The following TMEM100 variants were observed in gnomAD, a reference collection of about 807,000 sequenced individuals.
TMEM100 encodes transmembrane protein 100.
For missense variants in TMEM100, 137 were observed against 168.2 expected (o/e 0.81, Z 1.02); for synonymous variants, 61 against 67.1 (o/e 0.91, Z 0.44).
upstream of TMEM100, among the ~76,000 whole-genome samples, chr17:55,724,180 G>A (rs1459688528): frequency 6.6e-6 from 1 of 152,134 alleles, no homozygotes; most frequent in Non-Finnish European, 1.5e-5. Context: ...AAAGGGCTTG[G>A]ATGTTCTCAA....
At chr17:55,722,932 T>G (rs1052401606), upstream of TMEM100, 1 of 152,244 alleles carries the variant, frequency 6.6e-6, no homozygotes, top group African/African-American at 2.4e-5. Context: ...TAACATTTTT[T>G]TTTTTCCTTC....
At position 55,720,727 on chromosome 17, in the gene TMEM100, T is replaced by G; in HGVS notation, c.344A>C (p.Lys115Thr). Residue 115 changes from lysine to threonine, a missense_variant, in exon 2 of 2, where the codon AAA becomes ACA. Coordinates refer to ENST00000424486, the MANE Select transcript of TMEM100 (RefSeq NM_018286.3). ...LCWKVRQRSK[K>T]AKRRESQTAL... ...TGTTTGACTCTCCCGTCTCTTGGCT[T>G]TCTTGCTCCTTTGTCTCACTTTCCA... 1 of 1,614,168 alleles carries G rather than the reference T, an allele frequency of 6.2e-7. No individual in the cohort carries two copies. The highest frequency in any genetic ancestry group is 8.5e-7 in the Non-Finnish European group (1 of 1,180,018).
In TMEM100 at chr17:55,722,749, T is replaced by C. The variant is rs1908940644; in HGVS notation, c.-196A>G. ...GCAAGGCTGTCAATAAAACAATAGG[T>C]TAGGGATCTCTTCTGGGGAAAGGAA... is the stretch of plus-strand genomic sequence containing the variant. On this transcript the variant is annotated 5_prime_UTR_variant, in exon 1 of 2. Coordinates refer to ENST00000424486, the MANE Select transcript of TMEM100 (RefSeq NM_018286.3). 1.3e-5 allele frequency: 2 copies of C among 152,096 alleles called. No individual in the cohort carries two copies. The highest frequency in any genetic ancestry group is 4.8e-5 in the African/African-American group (2 of 41,412). The allele number at this position is 152,096 out of a possible 1,614,324, so 9.4% of individuals were successfully genotyped here.
At position 55,720,875 on chromosome 17, in the gene TMEM100, T is replaced by C; in HGVS notation, c.196A>G (p.Ile66Val). 6.2e-7 allele frequency: 1 copy of C among 1,614,182 alleles called. No homozygotes were observed. Among genetic ancestry groups the C allele is most frequent in the African/African-American group, 1.3e-5 (1 of 75,038 alleles). The change falls in exon 2 of 2, where the codon ATC (isoleucine) becomes GTC (valine). Residue 66 changes from isoleucine (I) to valine (V), a missense_variant. By Grantham distance (29) the Ile-to-Val change is conservative (BLOSUM62 3). Transcript: ENST00000424486. ...ACCGCGGTGACCACGATGCCGGCGA[T>C]GAAGACAACCACAGCAAAGGGGATG... is the stretch of plus-strand genomic sequence containing the variant. ...CIIPFAVVVFIAGIVVTAVAY... is the reference protein window; with the variant it reads ...CIIPFAVVVFVAGIVVTAVAY...
In TMEM100 at chr17:55,720,931, C is replaced by T; in HGVS notation, c.140G>A (p.Gly47Glu). The T allele has an allele frequency of 6.2e-7, 1 of 1,614,214 alleles. No homozygotes were observed. Among genetic ancestry groups the T allele is most frequent in the Non-Finnish European group, 8.5e-7 (1 of 1,180,040 alleles). Reference sequence around the variant, plus strand: ...GCGGTAGCAGGAGAGCTCGGTACCCCCTGTAGCAGCCATCAACTGAATCTC... The same window carrying T: ...GCGGTAGCAGGAGAGCTCGGTACCCTCTGTAGCAGCCATCAACTGAATCTC... Reference protein sequence around the residue: ...VSEIQLMAATGGTELSCYRCI... With the variant: ...VSEIQLMAATEGTELSCYRCI... Residue 47 changes from glycine to glutamate, a missense_variant, in exon 2 of 2, where the codon GGG becomes GAG. By Grantham distance (98) the Gly-to-Glu change is moderately conservative (BLOSUM62 -2). Transcript: ENST00000424486.
intron 1 of TMEM100, 200 bp from the exon 2 acceptor site, chr17:55,721,335 CAG>C: frequency 2.5e-6 from 1 of 405,042 alleles, no homozygotes; most frequent in Non-Finnish European, 4.4e-6. Flanking sequence ...GAAGGGAAGA[CAG>C]AAAAAGCAGG....
chr17:55,725,701 ATGTGTGTGTGTGTG>A (rs57564459), upstream of TMEM100, among the ~76,000 whole-genome samples: 293 of 139,674 alleles, frequency 2.1e-3, 3 homozygotes, highest in African/African-American at 6.1e-3. Context: ...ACCCATATAT[ATGTGTGTGTGTGTG>A]TGTGTGTGTG....
At chr17:55,728,953 C>G (rs1473017219) in intron 1 of TMEM100, among the ~76,000 whole-genome samples, 1 of 152,212 alleles carries the variant, frequency 6.6e-6, no homozygotes, top group African/African-American at 2.4e-5. Flanking sequence ...CTACAAAGAG[C>G]ACTGAGTAGC....
chr17:55,720,716 G>T lies in TMEM100; in HGVS notation c.355C>A (p.Arg119=), dbSNP rs373698469. 6 of 1,613,964 alleles carry T rather than the reference G, an allele frequency of 3.7e-6. No homozygotes were observed. Among genetic ancestry groups the T allele is most frequent in the East Asian group, 2.2e-5 (1 of 44,892 alleles). ...VRQRSKKAKR[R]ESQTALVANQ... is the part of the protein sequence containing the mutation. Reference sequence around the variant, plus strand: ...GCCACGAGAGCTGTTTGACTCTCCCGTCTCTTGGCTTTCTTGCTCCTTTGT... The same window carrying T: ...GCCACGAGAGCTGTTTGACTCTCCCTTCTCTTGGCTTTCTTGCTCCTTTGT... The change falls in exon 2 of 2, where the codon CGG becomes AGG. Residue 119 remains arginine (R), a synonymous_variant. Coordinates refer to ENST00000424486, the MANE Select transcript of TMEM100 (RefSeq NM_018286.3).
At chr17:55,730,747 T>C (rs1295613670) in intron 1 of TMEM100, among the ~76,000 whole-genome samples, 1 of 152,202 alleles carries the variant, frequency 6.6e-6, no homozygotes, top group Non-Finnish European at 1.5e-5. Flanking sequence ...ACAGAACACT[T>C]TGCCCAGCTG....
At chr17:55,721,845 A>C (rs980190190) in intron 1 of TMEM100, 2 of 152,232 alleles carry the variant, frequency 1.3e-5, no homozygotes, top group Admixed American at 1.3e-4. Context: ...ATAAGAAAAA[A>C]AAATTCAACC....
intron 1 of TMEM100, among the ~76,000 whole-genome samples, chr17:55,731,244 T>C (rs1478943564): frequency 1.3e-5 from 2 of 152,248 alleles, no homozygotes; most frequent in Non-Finnish European, 2.9e-5. Flanking sequence ...AGGGCTTGAT[T>C]ACCTTATTTT....
At chr17:55,730,150 TGTTG>T (rs1032521660) in intron 1 of TMEM100, among the ~76,000 whole-genome samples, 2 of 152,180 alleles carry the variant, frequency 1.3e-5, no homozygotes, top group African/African-American at 4.8e-5. Context: ...ACCATGAACA[TGTTG>T]GTTGGGAAAT....
chr17:55,731,540 A>G (rs1443395208), intron 1 of TMEM100: 2 of 152,182 alleles, frequency 1.3e-5, no homozygotes, highest in African/African-American at 4.8e-5. Flanking sequence ...GGCTCAGAAT[A>G]TCAGAGAACT....
chr17:55,722,855 C>G lies in TMEM100; in HGVS notation c.-302G>C, dbSNP rs1425246479. 2 of 152,264 alleles carry G rather than the reference C, an allele frequency of 1.3e-5. No homozygotes were observed. Among genetic ancestry groups the G allele is most frequent in the Admixed American group, 1.3e-4 (2 of 15,278 alleles). 9.4% of individuals were successfully genotyped at this position (152,264 alleles called of 1,614,324 possible). On this transcript the variant is annotated 5_prime_UTR_variant, in exon 1 of 2. Coordinates refer to ENST00000424486, the MANE Select transcript of TMEM100 (RefSeq NM_018286.3). Reference sequence around the variant, plus strand: ...CTGCTTCTTTCAGGCTACCTCTGTTCCTAAATGACGCTTGTCTTTCCCTCC... The same window carrying G: ...CTGCTTCTTTCAGGCTACCTCTGTTGCTAAATGACGCTTGTCTTTCCCTCC...
In TMEM100 at chr17:55,721,140, G is replaced by C; in HGVS notation, c.-65-5C>G. ...ACAGTCTCACCAGGGTGAAAGCTGT[G>C]AAGATAACAGGAGATGTCAGCTACA... On this transcript the variant is annotated splice_region_variant and splice_polypyrimidine_tract_variant and intron_variant, in intron 1 of 1. Transcript: ENST00000424486. The C allele has an allele frequency of 6.6e-7, 1 of 1,508,532 alleles. No homozygotes were observed. The highest frequency in any genetic ancestry group is 8.9e-7 in the Non-Finnish European group (1 of 1,123,604). 93.4% of individuals were successfully genotyped at this position (1,508,532 alleles called of 1,614,324 possible). A position where few individuals can be genotyped will look rare whatever the true frequency, so the allele number is the denominator to read the frequency against.
chr17:55,725,701 ATGTGTGTG>A (rs57564459), upstream of TMEM100, among the ~76,000 whole-genome samples: 2,961 of 139,634 alleles, frequency 0.021, 43 homozygotes, highest in African/African-American at 0.042. Flanking sequence ...ACCCATATAT[ATGTGTGTG>A]TGTGTGTGTG....
chr17:55,720,670 G>C lies in TMEM100; in HGVS notation c.401C>G (p.Ala134Gly). The C allele has an allele frequency of 6.2e-7, 1 of 1,601,890 alleles. No homozygotes were observed. Among genetic ancestry groups the C allele is most frequent in the Non-Finnish European group, 8.5e-7 (1 of 1,174,830 alleles). The change falls in exon 2 of 2, where the codon GCT (alanine) becomes GGT (glycine). Residue 134 changes from alanine (A) to glycine (G), a missense_variant. Physicochemically the swap from Ala to Gly is moderately conservative, Grantham distance 60. Coordinates refer to ENST00000424486, the MANE Select transcript of TMEM100 (RefSeq NM_018286.3). ...CCCATTTGGTCGTATTCAGTCTCAA[G>C]CAAACAAGCTTCTCTGATTTGCCAC... The part of the protein sequence containing the change: ...ALVANQRSLF[A>G]
chr17:55,728,543 A>T (rs1226119951), intron 1 of TMEM100, among the ~76,000 whole-genome samples: 4 of 152,164 alleles, frequency 2.6e-5, no homozygotes, highest in Admixed American at 2.6e-4. Flanking sequence ...GCCACTTCAA[A>T]AGTCACCCAG....
Sources: allele counts gnomAD v4.1 joint callset (sites outside exome capture counted in the v4.1 genomes callset), GRCh38; gene constraint gnomAD v4.1.1; transcripts MANE v1.5; gene names NCBI Gene and HGNC (gene_info 2026-07-23, HGNC 2026-07-21).